AGMO: variants seen among roughly 807,000 people sequenced by gnomAD.
The protein encoded by AGMO is alkylglycerol monooxygenase.
AGMO carries 75 observed loss-of-function variants against 60.2 expected under a neutral mutation model. The ratio of observed to expected loss-of-function variants is 1.25; its 90% confidence interval spans 1.03 to 1.51. The LOEUF (loss-of-function observed/expected upper bound fraction) is 1.51, where lower values mean the gene tolerates loss of function less well. Ranked by LOEUF, AGMO falls within the 40% of genes most tolerant of loss-of-function variation. The pLI is 0.00. For synonymous variants in AGMO, 261 were observed against 177.1 expected, an observed-to-expected ratio of 1.47 and a Z score of -3.76; for missense variants, 763 against 525.5, an observed-to-expected ratio of 1.45 and a Z score of -4.42.
intron 3 of AGMO, among the ~76,000 whole-genome samples, chr7:15,489,140 C>G (rs1290012580): frequency 6.6e-6 from 1 of 152,110 alleles, no homozygotes; most frequent in African/African-American, 2.4e-5. Flanking sequence ...TTGGGAAAGT[C>G]TCTTAAACAT....
chr7:15,343,610 A>C (rs1414450615), intron 12 of AGMO, among the ~76,000 whole-genome samples: 1 of 152,168 alleles, frequency 6.6e-6, no homozygotes, highest in Admixed American at 6.5e-5. Context: ...CAAAATTCTG[A>C]ATCACATCCA....
chr7:15,538,658 T>C (rs1375867517), intron 3 of AGMO, among the ~76,000 whole-genome samples: 1 of 152,208 alleles, frequency 6.6e-6, no homozygotes, highest in Non-Finnish European at 1.5e-5. Flanking sequence ...AGTAATCTAT[T>C]CATCAGTGCA....
chr7:15,188,841 T>A, the AGMO span, among the ~76,000 whole-genome samples: 1 of 152,150 alleles, frequency 6.6e-6, no homozygotes, highest in Non-Finnish European at 1.5e-5. Context: ...GGAGTTAACA[T>A]CAGCATTGTT....
At chr7:15,129,654 C>T in the AGMO span, among the ~76,000 whole-genome samples, 1 of 152,098 alleles carries the variant, frequency 6.6e-6, no homozygotes, top group East Asian at 1.9e-4. Context: ...CACCTGGGGC[C>T]AGGATGAAGT....
chr7:15,414,416 T>C (rs1005445778), intron 5 of AGMO, among the ~76,000 whole-genome samples: 7 of 152,054 alleles, frequency 4.6e-5, no homozygotes, highest in Admixed American at 1.3e-4. Flanking sequence ...ATAAGTATTA[T>C]ATTAATTCAA....
chr7:15,129,347 C>A, the AGMO span, among the ~76,000 whole-genome samples: 1 of 148,286 alleles, frequency 6.7e-6, no homozygotes, highest in Admixed American at 6.8e-5. Context: ...TTTATTTCTA[C>A]CATGTAGTTT....
intron 12 of AGMO, among the ~76,000 whole-genome samples, chr7:15,342,974 G>C (rs1781913672): frequency 6.6e-6 from 1 of 151,690 alleles, no homozygotes; most frequent in African/African-American, 2.4e-5. Context: ...GCAGACTCTT[G>C]ATAGTAGGTA....
At chr7:15,342,172 T>TG (rs1554418915) in intron 12 of AGMO, among the ~76,000 whole-genome samples, 4 of 54,304 alleles carry the variant, frequency 7.4e-5, no homozygotes, top group African/African-American at 2.8e-4. Context: ...CCCACAGAGT[T>TG]AAAAAAAAAA....
intron 12 of AGMO, among the ~76,000 whole-genome samples, chr7:15,340,891 A>G (rs1318035157): frequency 1.3e-5 from 2 of 152,198 alleles, no homozygotes; most frequent in African/African-American, 4.8e-5. Flanking sequence ...CGTTCTCGAG[A>G]CCGCAGAATG....
At chr7:15,151,152 T>C in the AGMO span, among the ~76,000 whole-genome samples, 1 of 152,134 alleles carries the variant, frequency 6.6e-6, no homozygotes, top group African/African-American at 2.4e-5. Context: ...TGTTTTGTCC[T>C]GTTGGGACAG....
chr7:15,261,282 C>T (rs985396419), intron 12 of AGMO, among the ~76,000 whole-genome samples: 10 of 151,678 alleles, frequency 6.6e-5, no homozygotes, highest in East Asian at 3.9e-4. Context: ...AAAAGAGAGA[C>T]GATCCAAATA....
At chr7:15,529,732 T>C (rs1448016345) in intron 3 of AGMO, among the ~76,000 whole-genome samples, 2 of 118,518 alleles carry the variant, frequency 1.7e-5, no homozygotes, top group East Asian at 4.7e-4. Context: ...ATACTCTATA[T>C]ATATTCTATA....
At chr7:15,371,081 G>A (rs1783191591) in intron 10 of AGMO, among the ~76,000 whole-genome samples, 1 of 152,050 alleles carries the variant, frequency 6.6e-6, no homozygotes, top group African/African-American at 2.4e-5. Flanking sequence ...AATGAAACCA[G>A]ACCCCTACCT....
At chr7:15,358,006 G>A (rs578156735) in intron 12 of AGMO, among the ~76,000 whole-genome samples, 1 of 152,190 alleles carries the variant, frequency 6.6e-6, no homozygotes, top group African/African-American at 2.4e-5. Context: ...AAGAACCCAT[G>A]AAAGTATGAA....
chr7:15,474,610 G>A (rs1434251410), intron 3 of AGMO, among the ~76,000 whole-genome samples: 1 of 151,978 alleles, frequency 6.6e-6, no homozygotes, highest in African/African-American at 2.4e-5. Context: ...TAAAACCTAG[G>A]CAACACCATC....
At chr7:15,492,861 G>A (rs1032866670) in intron 3 of AGMO, among the ~76,000 whole-genome samples, 10 of 152,094 alleles carry the variant, frequency 6.6e-5, no homozygotes, top group African/African-American at 1.7e-4. Flanking sequence ...TTGGTCGCGC[G>A]TTGGGTTATC....
intron 3 of AGMO, among the ~76,000 whole-genome samples, chr7:15,485,142 C>CAAAA (rs34731268): frequency 1.7e-3 from 166 of 97,766 alleles, no homozygotes; most frequent in African/African-American, 4.8e-3. Flanking sequence ...ACTAAAAATA[C>CAAAA]AAAAAAAAAA....
intron 12 of AGMO, among the ~76,000 whole-genome samples, chr7:15,337,491 C>T (rs1311550537): frequency 2.6e-5 from 4 of 152,114 alleles, no homozygotes; most frequent in African/African-American, 7.2e-5. Flanking sequence ...AGCTATTTAT[C>T]TCTGCCTTGC....
chr7:15,227,694 A>G (rs1782128668), intron 12 of AGMO, among the ~76,000 whole-genome samples: 1 of 152,102 alleles, frequency 6.6e-6, no homozygotes, highest in Admixed American at 6.6e-5. Flanking sequence ...TACACGTATC[A>G]TCCATGAGGT....
Sources: gnomAD v4.1 joint callset for allele counts (sites outside exome capture counted in the v4.1 genomes callset) on GRCh38, gnomAD v4.1.1 for gene constraint, MANE v1.5 for transcripts, NCBI Gene and HGNC (gene_info 2026-07-23, HGNC 2026-07-21) for gene names.